The following KIF16B variants were observed in gnomAD, a reference collection of about 807,000 sequenced individuals.
KIF16B encodes kinesin family member 16B.
Under a neutral mutation model 156.3 loss-of-function variants are expected in KIF16B, and 98 were observed. That is an observed-to-expected ratio of 0.63 (90% CI 0.53 to 0.74). The LOEUF (loss-of-function observed/expected upper bound fraction) is 0.74. KIF16B is among the 30% of genes least tolerant of loss of function. KIF16B has a pLI of 0.00. For synonymous variants in KIF16B, 564 were observed against 583.7 expected, an observed-to-expected ratio of 0.97 and a Z score of 0.49; for missense variants, 1,421 against 1,606.5, an observed-to-expected ratio of 0.88 and a Z score of 1.97.
At chr20:16,564,871 G>A (rs1051981393) in intron 1 of KIF16B, among the ~76,000 whole-genome samples, 3 of 151,552 alleles carry the variant, frequency 2.0e-5, no homozygotes, top group Non-Finnish European at 2.9e-5. Flanking sequence ...ACTTGAGCCC[G>A]ACCACCTGAC....
At chr20:16,453,673 G>C (rs1479124723) in intron 12 of KIF16B, among the ~76,000 whole-genome samples, 2 of 152,126 alleles carry the variant, frequency 1.3e-5, no homozygotes, top group Non-Finnish European at 2.9e-5. Flanking sequence ...CACGGAAAAG[G>C]AAATGTAATT....
intron 1 of KIF16B, 42 bp downstream of exon 1, chr20:16,573,186 TG>T: frequency 6.6e-7 from 1 of 1,503,882 alleles, no homozygotes; most frequent in Middle Eastern, 1.8e-4. Context: ...TTCCTCTGGG[TG>T]GGGGCGCGAC....
At chr20:16,455,351 C>T (rs1052851246) in intron 12 of KIF16B, among the ~76,000 whole-genome samples, 3 of 150,920 alleles carry the variant, frequency 2.0e-5, no homozygotes, top group Non-Finnish European at 4.4e-5. Flanking sequence ...TGGCCAAACC[C>T]TCTGCTTATC....
At chr20:16,401,419 C>T (rs746605647) in intron 17 of KIF16B, among the ~76,000 whole-genome samples, 3 of 152,196 alleles carry the variant, frequency 2.0e-5, no homozygotes, top group African/African-American at 4.8e-5. Context: ...GATTAGGCCA[C>T]AAAACCACAT....
intron 23 of KIF16B, among the ~76,000 whole-genome samples, chr20:16,346,359 G>A (rs2064234712): frequency 6.6e-6 from 1 of 152,210 alleles, no homozygotes; most frequent in Non-Finnish European, 1.5e-5. Context: ...GCTCAAATAG[G>A]AGATTCTACA....
At position 16,410,032 on chromosome 20, in the gene KIF16B, G is replaced by C. The variant is rs867152815; in HGVS notation, c.1613-3576C>G. On this transcript the variant is annotated intron_variant, in intron 15 of 25. Transcript: ENST00000354981. ...ATATGTAGGTACATATATATATGTAGGTACATATATATATGTTGGTACATA... is the reference window on the plus strand; with the variant it reads ...ATATGTAGGTACATATATATATGTACGTACATATATATATGTTGGTACATA... 2.7e-3 allele frequency among the ~76,000 whole-genome samples: 165 copies of C among 61,750 alleles called. 20 individuals carry two copies. The highest frequency in any genetic ancestry group is 0.012 in the African/African-American group (148 of 12,730). 40.5% of individuals were successfully genotyped at this position (61,750 alleles called of 152,430 possible). A position where few individuals can be genotyped will look rare whatever the true frequency, so the allele number is the denominator to read the frequency against.
intron 25 of KIF16B, among the ~76,000 whole-genome samples, chr20:16,297,677 C>T (rs1307194004): frequency 7.4e-6 from 1 of 135,280 alleles, no homozygotes; most frequent in Non-Finnish European, 1.5e-5. Context: ...GCCTGGGCGA[C>T]AGAGTGAGAC....
chr20:16,471,234 C>T (rs6043982), intron 12 of KIF16B, among the ~76,000 whole-genome samples: 33,585 of 151,960 alleles, frequency 0.22, 3,796 homozygotes, highest in Admixed American at 0.26. Context: ...AAAAGCACTA[C>T]TAATAATTGA....
chr20:16,278,371 T>C (rs1487087758), intron 25 of KIF16B, among the ~76,000 whole-genome samples: 4 of 152,198 alleles, frequency 2.6e-5, no homozygotes, highest in African/African-American at 4.8e-5. Context: ...TAATAAGAAA[T>C]ATATCAGATA....
intron 23 of KIF16B, among the ~76,000 whole-genome samples, chr20:16,352,411 A>C (rs2064355463): frequency 6.6e-6 from 1 of 152,234 alleles, no homozygotes; most frequent in Non-Finnish European, 1.5e-5. Flanking sequence ...TTTTGAATTA[A>C]ATAGATTTTG....
At chr20:16,335,332 G>A (rs2064016492) in intron 24 of KIF16B, among the ~76,000 whole-genome samples, 1 of 152,120 alleles carries the variant, frequency 6.6e-6, no homozygotes, top group Admixed American at 6.5e-5. Flanking sequence ...AATTACTTGA[G>A]AAACCTGTGT....
chr20:16,378,449 G>C (rs961379754), intron 19 of KIF16B, among the ~76,000 whole-genome samples: 1 of 152,024 alleles, frequency 6.6e-6, no homozygotes, highest in African/African-American at 2.4e-5. Context: ...ACAGGCAAGG[G>C]AGATAAGAAA....
chr20:16,467,647 C>T (rs1290810087), intron 12 of KIF16B, among the ~76,000 whole-genome samples: 2 of 151,714 alleles, frequency 1.3e-5, no homozygotes, highest in African/African-American at 4.8e-5. Flanking sequence ...ACAAGAATTA[C>T]AACAACTATT....
rs180905010 is a variant in KIF16B at position 16,458,640 on chromosome 20, T to C, written c.1303-28658A>G. On this transcript the variant is annotated intron_variant, in intron 12 of 25. Transcript: ENST00000354981. ...ACAAAATGCCAATTTCTAGTCAACATAGGACTACTATCACATGAAAAGCAA... is the reference window on the plus strand; with the variant it reads ...ACAAAATGCCAATTTCTAGTCAACACAGGACTACTATCACATGAAAAGCAA... 5.3e-5 allele frequency among the ~76,000 whole-genome samples: 8 copies of C among 152,104 alleles called. No homozygotes were observed. In the East Asian group the frequency reaches 5.8e-4, roughly 11 times the overall value.
At chr20:16,300,212 T>C (rs2063451995) in intron 25 of KIF16B, among the ~76,000 whole-genome samples, 2 of 152,206 alleles carry the variant, frequency 1.3e-5, no homozygotes, top group Non-Finnish European at 1.5e-5. Flanking sequence ...AGACAGACGT[T>C]GAACTTGAGT....
At chr20:16,467,187 G>C (rs2067514883) in intron 12 of KIF16B, among the ~76,000 whole-genome samples, 1 of 152,152 alleles carries the variant, frequency 6.6e-6, no homozygotes, top group Admixed American at 6.5e-5. Context: ...CCCACACTAG[G>C]GTGATGGCCA....
At chr20:16,404,396 A>G (rs2146260481) in intron 17 of KIF16B, among the ~76,000 whole-genome samples, 1 of 152,194 alleles carries the variant, frequency 6.6e-6, no homozygotes, top group East Asian at 1.9e-4. Context: ...AGTAGTGAAG[A>G]TAATTTCCTG....
At chr20:16,557,330 C>T (rs1054252691) in intron 1 of KIF16B, among the ~76,000 whole-genome samples, 2 of 151,964 alleles carry the variant, frequency 1.3e-5, no homozygotes, top group Non-Finnish European at 2.9e-5. Flanking sequence ...CAGGCGCCTG[C>T]TACTACGCCC....
intron 12 of KIF16B, among the ~76,000 whole-genome samples, chr20:16,470,055 G>A (rs921594187): frequency 6.6e-6 from 1 of 152,122 alleles, no homozygotes; most frequent in Non-Finnish European, 1.5e-5. Flanking sequence ...AATATTTAAT[G>A]TATATTAAAT....
Sources: allele counts gnomAD v4.1 joint callset (sites outside exome capture counted in the v4.1 genomes callset), GRCh38; gene constraint gnomAD v4.1.1; transcripts MANE v1.5; gene names NCBI Gene and HGNC (gene_info 2026-07-23, HGNC 2026-07-21).